PROSER2: variants seen among roughly 807,000 people sequenced by gnomAD.
The protein encoded by PROSER2 is proline and serine-rich protein 2.
In PROSER2, 18 loss-of-function variants were observed where a neutral mutation model predicts 14.6. The observed-to-expected ratio is 1.23, with a 90% CI of 0.85 to 1.83. PROSER2 has a LOEUF of 1.83. Ranked by LOEUF, PROSER2 falls within the 40% of genes most tolerant of loss-of-function variation. The probability of loss-of-function intolerance (pLI) is 0.00; values close to 1 mark genes in which losing one functional copy is unlikely to be tolerated. For missense variants in PROSER2, 823 were observed against 629.8 expected (o/e 1.31, Z -3.28); for synonymous variants, 367 against 286.4 (o/e 1.28, Z -2.84).
intron 1 of PROSER2, among the ~76,000 whole-genome samples, chr10:11,831,397 A>G (rs1833687606): frequency 6.6e-6 from 1 of 152,276 alleles, no homozygotes. Flanking sequence ...CAAAAGTAGA[A>G]TGACTTCAAC....
intron 1 of PROSER2, among the ~76,000 whole-genome samples, chr10:11,825,802 A>G (rs1833603858): frequency 6.6e-6 from 1 of 152,188 alleles, no homozygotes; most frequent in Admixed American, 6.5e-5. Flanking sequence ...CTCTTCGTGA[A>G]CGTGTCTCTT....
chr10:11,831,320 A>C (rs1422016601), intron 1 of PROSER2, among the ~76,000 whole-genome samples: 2 of 152,202 alleles, frequency 1.3e-5, no homozygotes, highest in Admixed American at 6.5e-5. Context: ...CTCATTAGTG[A>C]AGCACATATT....
At chr10:11,859,483 T>G (rs907848117) in intron 2 of PROSER2, among the ~76,000 whole-genome samples, 10 of 152,138 alleles carry the variant, frequency 6.6e-5, no homozygotes, top group African/African-American at 1.4e-4. Context: ...GCTGTCCGCC[T>G]TCTTCTACCT....
intron 1 of PROSER2, among the ~76,000 whole-genome samples, chr10:11,846,010 G>A (rs576660308): frequency 1.3e-5 from 2 of 152,170 alleles, no homozygotes; most frequent in East Asian, 3.9e-4. Context: ...TTTTAGAGAT[G>A]GAGTCTCACT....
At chr10:11,843,453 C>G (rs1447758536) in intron 1 of PROSER2, among the ~76,000 whole-genome samples, 36 of 150,726 alleles carry the variant, frequency 2.4e-4, no homozygotes, top group African/African-American at 8.0e-4. Flanking sequence ...TTTGGGAGGC[C>G]AAGGCGGGCA....
chr10:11,849,213 TTAAC>T (rs1833975743), intron 1 of PROSER2, among the ~76,000 whole-genome samples: 1 of 151,988 alleles, frequency 6.6e-6, no homozygotes, highest in Admixed American at 6.6e-5. Flanking sequence ...AACAAAGAGT[TTAAC>T]TAGCTGTCTC....
At chr10:11,824,624 T>A (rs1263866995) in intron 1 of PROSER2, among the ~76,000 whole-genome samples, 1 of 152,190 alleles carries the variant, frequency 6.6e-6, no homozygotes, top group Non-Finnish European at 1.5e-5. Context: ...GGATGGAAGT[T>A]GTCTAAAATC....
At position 11,830,671 on chromosome 10, in the gene PROSER2, T is replaced by C. The variant is rs1588482627; in HGVS notation, c.-82+7201T>C. 6.6e-6 allele frequency among the ~76,000 whole-genome samples: 1 copy of C among 152,352 alleles called. No individual in the cohort carries two copies. The highest frequency in any genetic ancestry group is 1.9e-4 in the East Asian group (1 of 5,188). The stretch of plus-strand genomic sequence containing the variant: ...TCCTGATTTCTCTGAGAGAGGTTGA[T>C]AGCCATTCCTTGGACTTCTGAAAAT... On this transcript the variant is annotated intron_variant, in intron 1 of 3. Coordinates refer to ENST00000277570, the MANE Select transcript of PROSER2 (RefSeq NM_153256.4). This position sits in a 1 kb window ranked among gnomAD's most constrained non-coding sequence, Gnocchi z 4.5.
Position 11,866,670 on chromosome 10 carries a change from C to T in PROSER2, c.278C>T (p.Ser93Phe). 1 of 1,614,208 alleles carries T rather than the reference C, an allele frequency of 6.2e-7. No homozygotes were observed. Among genetic ancestry groups the T allele is most frequent in the Non-Finnish European group, 8.5e-7 (1 of 1,180,048 alleles). ...DGGVCCLCSP[S>F]LEESTSSPSE... ...GGAGTGTGCTGCCTCTGCTCCCCGT[C>T]TCTGGAGGAGAGCACCTCCAGTCCC... The change falls in exon 3 of 4, where the codon TCT (serine) becomes TTT (phenylalanine). Residue 93 changes from serine to phenylalanine, a missense_variant. Ser to Phe is a radical substitution (Grantham distance 155, BLOSUM62 -2). Transcript: ENST00000277570. This position sits in a 1 kb window ranked among gnomAD's most constrained non-coding sequence, Gnocchi z 6.0.
chr10:11,852,861 C>T (rs1032904233), intron 2 of PROSER2, among the ~76,000 whole-genome samples: 24 of 131,028 alleles, frequency 1.8e-4, no homozygotes, highest in African/African-American at 5.7e-4. Context: ...CCACCGCGCC[C>T]GGCCACTCAA....
intron 1 of PROSER2, among the ~76,000 whole-genome samples, chr10:11,833,974 G>A (rs1419878491): frequency 7.0e-6 from 1 of 141,954 alleles, no homozygotes; most frequent in East Asian, 2.2e-4. Context: ...TCCCAAGTGA[G>A]TAGCTCTTTC....
rs1834418167 is a variant in PROSER2 at position 11,869,425 on chromosome 10, A to G, written c.392-65A>G. ...TTGAGGCTCTTTTCAGTTCAGCGAG[A>G]GGGAACTTCATGCATTTACTTTCAC... On this transcript the variant is annotated intron_variant, in intron 3 of 3. Coordinates refer to ENST00000277570, the MANE Select transcript of PROSER2 (RefSeq NM_153256.4). This position sits in a 1 kb window ranked among gnomAD's most constrained non-coding sequence, Gnocchi z 4.4. The G allele has an allele frequency of 1.6e-6, 2 of 1,241,914 alleles. No homozygotes were observed. Among genetic ancestry groups the G allele is most frequent in the Non-Finnish European group, 2.4e-6 (2 of 846,408 alleles). 76.9% of individuals were successfully genotyped at this position (1,241,914 alleles called of 1,614,324 possible). A position where few individuals can be genotyped will look rare whatever the true frequency, so the allele number is the denominator to read the frequency against.
intron 1 of PROSER2, among the ~76,000 whole-genome samples, chr10:11,839,532 A>G (rs551989831): frequency 6.6e-6 from 1 of 152,320 alleles, no homozygotes; most frequent in East Asian, 1.9e-4. Context: ...CTGCTACTTT[A>G]TAATAACTCC....
chr10:11,871,869 A>AGTT lies in PROSER2; in HGVS notation c.*1464_*1466dup, dbSNP rs1834495580. 2 of 152,344 alleles carry AGTT rather than the reference A, an allele frequency of 1.3e-5. No homozygotes were observed. Among genetic ancestry groups the AGTT allele is most frequent in the African/African-American group, 4.8e-5 (2 of 41,578 alleles). 9.4% of individuals were successfully genotyped at this position (152,344 alleles called of 1,614,324 possible). The stretch of plus-strand genomic sequence containing the variant: ...TTCATAGTATCCCATTTGCCTTGTA[A>AGTT]GTTATATAAAGTGCATGATTATAAT... On this transcript the variant is annotated 3_prime_UTR_variant, in exon 4 of 4. Transcript: ENST00000277570.
intron 1 of PROSER2, among the ~76,000 whole-genome samples, chr10:11,833,655 C>A (rs1225741202): frequency 6.6e-6 from 1 of 152,142 alleles, no homozygotes; most frequent in Non-Finnish European, 1.5e-5. Flanking sequence ...CATGCCATTG[C>A]ACTCCAGCCT....
In PROSER2 at chr10:11,851,215, CA is replaced by C. The variant is rs1167556636; in HGVS notation, c.-81-774del. 5 of 151,778 alleles carry C rather than the reference CA, an allele frequency of 3.3e-5. No homozygotes were observed. The South Asian group carries it at 6.3e-4, about 19-fold the overall frequency. 9.4% of individuals were successfully genotyped at this position (151,778 alleles called of 1,614,324 possible). On this transcript the variant is annotated intron_variant, in intron 1 of 3. Transcript: ENST00000277570. ...TGGATGACAGAGTGAGACCTTATTT[CA>C]AAAAAAAGTAGCCAGGGTTGGGGGG...
intron 1 of PROSER2, among the ~76,000 whole-genome samples, chr10:11,834,407 C>T (rs1185489045): frequency 6.6e-6 from 1 of 151,800 alleles, no homozygotes; most frequent in Admixed American, 6.6e-5. Flanking sequence ...TCTTACAGAT[C>T]GGCTCCTTGG....
At position 11,870,073 on chromosome 10, in the gene PROSER2, C is replaced by A. The variant is rs1211539301; in HGVS notation, c.975C>A (p.Pro325=). The A allele has an allele frequency of 3.9e-6, 5 of 1,274,410 alleles. No individual in the cohort carries two copies. Among genetic ancestry groups the A allele is most frequent in the Non-Finnish European group, 4.0e-6 (4 of 1,010,748 alleles). The allele number at this position is 1,274,410 out of a possible 1,614,324, so 78.9% of individuals were successfully genotyped here. A position where few individuals can be genotyped will look rare whatever the true frequency, so the allele number is the denominator to read the frequency against. The change falls in exon 4 of 4, where the codon CCC becomes CCA. Residue 325 remains proline (P), a synonymous_variant. Transcript: ENST00000277570. ...CGCGTGGCCGGGGCCTGCCGGGCCC[C>A]GCTGAGAGTCTCCGGGCAGGGGGTC... ...RVARGRGLPG[P]AESLRAGGQA...
At chr10:11,839,107 T>G (rs958094819) in intron 1 of PROSER2, among the ~76,000 whole-genome samples, 2 of 152,290 alleles carry the variant, frequency 1.3e-5, no homozygotes. Flanking sequence ...ACAACATTAG[T>G]ATTTCAAAAC....
Sources: allele counts gnomAD v4.1 joint callset (sites outside exome capture counted in the v4.1 genomes callset), GRCh38; gene constraint gnomAD v4.1.1; non-coding constraint Gnocchi (gnomAD v3.1); transcripts MANE v1.5; gene names NCBI Gene and HGNC (gene_info 2026-07-23, HGNC 2026-07-21).